SLC22A24: variants seen among roughly 807,000 people sequenced by gnomAD.
SLC22A24 encodes steroid transmembrane transporter SLC22A24.
SLC22A24 carries 53 observed loss-of-function variants against 49.8 expected under a neutral mutation model. The observed-to-expected ratio is 1.06, with a 90% CI of 0.85 to 1.34. SLC22A24 has a LOEUF of 1.34. Among genes scored for constraint, SLC22A24 ranks in the 40% most tolerant of loss-of-function variants. The probability of loss-of-function intolerance (pLI) is 0.00; values close to 1 mark genes in which losing one functional copy is unlikely to be tolerated. For missense variants in SLC22A24, 786 were observed against 675.9 expected (o/e 1.16, Z -1.81); for synonymous variants, 302 against 256.4 (o/e 1.18, Z -1.70).
chr11:63,130,692 T>C (rs993155236), intron 2 of SLC22A24, among the ~76,000 whole-genome samples: 1 of 152,142 alleles, frequency 6.6e-6, no homozygotes, highest in Non-Finnish European at 1.5e-5. Context: ...TTCTTCCTGG[T>C]TTAGTCTTGG....
At chr11:63,081,253 T>C in intron 8 of SLC22A24, 130 bp from the exon 9 acceptor site, 1 of 768,162 alleles carries the variant, frequency 1.3e-6, no homozygotes, top group Non-Finnish European at 2.1e-6. Flanking sequence ...CAGCAAGCCC[T>C]TAATTGTGAC....
intron 2 of SLC22A24, among the ~76,000 whole-genome samples, chr11:63,119,906 G>A (rs1359318833): frequency 6.6e-6 from 1 of 152,046 alleles, no homozygotes; most frequent in Non-Finnish European, 1.5e-5. Context: ...TTTTTTGGCT[G>A]CATAAATGTC....
At chr11:63,142,074 AT>A (rs2087419092) in intron 1 of SLC22A24, among the ~76,000 whole-genome samples, 1 of 152,168 alleles carries the variant, frequency 6.6e-6, no homozygotes, top group Non-Finnish European at 1.5e-5. Flanking sequence ...CCTAGGACTC[AT>A]TATTTACCTT....
intron 4 of SLC22A24, 98 bp from the exon 5 acceptor site, chr11:63,104,396 T>C: frequency 7.7e-7 from 1 of 1,294,752 alleles, no homozygotes; most frequent in South Asian, 1.6e-5. Flanking sequence ...AATACAGACA[T>C]TATAAATTAT....
In SLC22A24 at chr11:63,083,289, C is replaced by T. The variant is rs542256344; in HGVS notation, c.1239G>A (p.Thr413=). The change falls in exon 7 of 10, where the codon ACG becomes ACA. Residue 413 remains threonine, a synonymous_variant. Transcript: ENST00000612278. ...CCAGAATGAAAAGTCCCACCGGGAACGTGAACAATATCTGGCTTATTCGAC... is the reference window on the plus strand; with the variant it reads ...CCAGAATGAAAAGTCCCACCGGGAATGTGAACAATATCTGGCTTATTCGAC... ...MGRRISQILF[T]FPVGLFILVN... 2.4e-5 allele frequency: 37 copies of T among 1,561,458 alleles called. No individual in the cohort carries two copies. Among genetic ancestry groups the T allele is most frequent in the Non-Finnish European group, 2.7e-5 (31 of 1,151,732 alleles).
chr11:63,097,625 G>A (rs1469468057), intron 5 of SLC22A24, among the ~76,000 whole-genome samples: 2 of 152,012 alleles, frequency 1.3e-5, no homozygotes, highest in Non-Finnish European at 2.9e-5. Context: ...TATGTTTATT[G>A]CAGCACTGTT....
At chr11:63,126,978 T>C (rs1004093819) in intron 2 of SLC22A24, among the ~76,000 whole-genome samples, 2 of 152,114 alleles carry the variant, frequency 1.3e-5, no homozygotes, top group African/African-American at 4.8e-5. Context: ...TAGGAATACT[T>C]GTGATTTTTA....
chr11:63,131,376 T>C (rs540542503), intron 2 of SLC22A24, among the ~76,000 whole-genome samples: 2 of 152,328 alleles, frequency 1.3e-5, no homozygotes, highest in African/African-American at 4.8e-5. Flanking sequence ...ATAGTGTCAA[T>C]GGTCTTTACA....
intron 2 of SLC22A24, among the ~76,000 whole-genome samples, chr11:63,127,986 G>T (rs1939783): frequency 0.8 from 120,535 of 151,526 alleles, 49,032 homozygotes; most frequent in East Asian, 0.9. Context: ...TGGGCGGCAA[G>T]CCACCCAGGC....
chr11:63,107,265 GC>G, intron 4 of SLC22A24, among the ~76,000 whole-genome samples: 1 of 152,194 alleles, frequency 6.6e-6, no homozygotes, highest in Non-Finnish European at 1.5e-5. Context: ...TATTTCTGAG[GC>G]CTCTGTTCTG....
intron 4 of SLC22A24, among the ~76,000 whole-genome samples, chr11:63,108,450 A>T (rs932967550): frequency 6.6e-6 from 1 of 152,168 alleles, no homozygotes; most frequent in Non-Finnish European, 1.5e-5. Flanking sequence ...GCCACATGAA[A>T]TGAGTTAGGG....
intron 2 of SLC22A24, 96 bp from the exon 3 acceptor site, chr11:63,119,431 T>C: frequency 8.3e-7 from 1 of 1,206,994 alleles, no homozygotes; most frequent in Non-Finnish European, 1.1e-6. Context: ...AGGATAAATG[T>C]TTAACAAGTG....
intron 4 of SLC22A24, among the ~76,000 whole-genome samples, chr11:63,107,771 G>A (rs1021075793): frequency 3.9e-5 from 6 of 152,130 alleles, no homozygotes; most frequent in East Asian, 1.9e-4. Flanking sequence ...TGTGATTTTC[G>A]CACACTGATT....
At chr11:63,107,358 G>A (rs4963244) in intron 4 of SLC22A24, among the ~76,000 whole-genome samples, 120,128 of 151,748 alleles carry the variant, frequency 0.79, 48,738 homozygotes, top group East Asian at 0.9. Flanking sequence ...TTTGAAGTCA[G>A]GTAGTGTGAT....
chr11:63,086,774 T>C (rs1037028591), intron 6 of SLC22A24, among the ~76,000 whole-genome samples: 4 of 152,074 alleles, frequency 2.6e-5, no homozygotes, highest in Admixed American at 6.6e-5. Context: ...TCAAAATATA[T>C]GGAAATGAGT....
chr11:63,095,861 A>G, intron 6 of SLC22A24, 130 bp downstream of exon 6: 1 of 680,056 alleles, frequency 1.5e-6, no homozygotes, highest in African/African-American at 1.8e-5. Context: ...TTAGAGGCAT[A>G]CATTTGTATG....
At position 63,104,293 on chromosome 11, in the gene SLC22A24, A is replaced by G. The variant is rs1204769927; in HGVS notation, c.836T>C (p.Met279Thr). The G allele has an allele frequency of 3.9e-6, 6 of 1,548,630 alleles. No individual in the cohort carries two copies. The highest frequency in any genetic ancestry group is 5.2e-6 in the Non-Finnish European group (6 of 1,146,404). ...AATCAGCCACCGAGCAGACTCCACC[A>G]TCTTCCTGATGAAAGAAGACAACAT... is the stretch of plus-strand genomic sequence containing the variant. ...IIVLFLSSWK[M>T]VESARWLIIN... Residue 279 changes from methionine to threonine, a missense_variant, in exon 5 of 10, where the codon ATG becomes ACG. Physicochemically the swap from Met to Thr is moderately conservative, Grantham distance 81 (BLOSUM62 -1). Transcript: ENST00000612278.
intron 5 of SLC22A24, among the ~76,000 whole-genome samples, chr11:63,097,237 A>C (rs1157180730): frequency 6.6e-6 from 1 of 152,274 alleles, no homozygotes; most frequent in East Asian, 1.9e-4. Flanking sequence ...ACAAGAAAAA[A>C]AAAACAACCC....
intron 4 of SLC22A24, among the ~76,000 whole-genome samples, chr11:63,109,799 C>T (rs1191815510): frequency 6.6e-6 from 1 of 151,726 alleles, no homozygotes; most frequent in Non-Finnish European, 1.5e-5. Context: ...TTGTAGGTTG[C>T]CTGTTCACTC....
Sources: allele counts gnomAD v4.1 joint callset (sites outside exome capture counted in the v4.1 genomes callset), GRCh38; gene constraint gnomAD v4.1.1; transcripts MANE v1.5; gene names NCBI Gene and HGNC (gene_info 2026-07-23, HGNC 2026-07-21).